PKNOX2: variants seen among roughly 807,000 people sequenced by gnomAD.
The protein encoded by PKNOX2 is PBX/knotted 1 homeobox 2, also known as homeobox protein PKNOX2.
PKNOX2 carries 14 observed loss-of-function variants against 53.1 expected under a neutral mutation model. The ratio of observed to expected loss-of-function variants is 0.26; its 90% CI spans 0.17 to 0.41. The LOEUF (loss-of-function observed/expected upper bound fraction) is 0.41, where lower values mean the gene tolerates loss of function less well. PKNOX2 is among the 10% of genes least tolerant of loss of function. The pLI is 1.00. For synonymous variants in PKNOX2, 257 were observed against 242.8 expected, an observed-to-expected ratio of 1.06 and a Z score of -0.54; for missense variants, 496 against 602.8, an observed-to-expected ratio of 0.82 and a Z score of 1.85.
rs1448192584 is a variant in PKNOX2 at position 125,254,602 on chromosome 11, T to C, written c.-130+19487T>C. ...GCCTAACTCACTGGCTTGTTTTGAATACCTGTACCCTGCACAGGTTGTGTA... is the reference window on the plus strand; with the variant it reads ...GCCTAACTCACTGGCTTGTTTTGAACACCTGTACCCTGCACAGGTTGTGTA... On this transcript the variant is annotated intron_variant, in intron 2 of 12. Transcript: ENST00000298282. Among the ~76,000 whole-genome samples the C allele has an allele frequency of 2.0e-5, 3 of 152,198 alleles. No individual in the cohort carries two copies. The East Asian group carries it at 5.8e-4, about 29-fold the overall frequency.
At chr11:125,300,575 AAGAGAGAC>A (rs979270604) in intron 2 of PKNOX2, among the ~76,000 whole-genome samples, 8 of 152,208 alleles carry the variant, frequency 5.3e-5, no homozygotes, top group South Asian at 2.1e-4. Context: ...GAGAGAGAAA[AAGAGAGAC>A]AGAGAGACAG....
chr11:125,329,038 G>T (rs1949999186), intron 2 of PKNOX2, among the ~76,000 whole-genome samples: 1 of 152,178 alleles, frequency 6.6e-6, no homozygotes, highest in Non-Finnish European at 1.5e-5. Context: ...TGGAGCAAGA[G>T]TCCACTGCAA....
intron 2 of PKNOX2, among the ~76,000 whole-genome samples, chr11:125,323,192 G>C (rs539265501): frequency 1.2e-4 from 18 of 152,224 alleles, no homozygotes; most frequent in African/African-American, 3.4e-4. Flanking sequence ...AATTTTGTAA[G>C]TACAGGGATC....
chr11:125,318,340 C>A (rs1949329915), intron 2 of PKNOX2, among the ~76,000 whole-genome samples: 1 of 148,598 alleles, frequency 6.7e-6, no homozygotes, highest in East Asian at 2.0e-4. Context: ...AGGTTGGTCT[C>A]AAACTCCTGA....
At chr11:125,174,689 C>G (rs1029825331) in intron 1 of PKNOX2, among the ~76,000 whole-genome samples, 1 of 152,004 alleles carries the variant, frequency 6.6e-6, no homozygotes, top group African/African-American at 2.4e-5. Flanking sequence ...CTGCAGGGGC[C>G]GGGAGAGTGC....
intron 2 of PKNOX2, among the ~76,000 whole-genome samples, chr11:125,328,978 G>A (rs1450331392): frequency 6.6e-6 from 1 of 152,184 alleles, no homozygotes; most frequent in Non-Finnish European, 1.5e-5. Context: ...CACACCTTTG[G>A]ACTTGGCAAT....
At chr11:125,377,199 G>A (rs1206435057) in intron 5 of PKNOX2, among the ~76,000 whole-genome samples, 1 of 152,202 alleles carries the variant, frequency 6.6e-6, no homozygotes, top group African/African-American at 2.4e-5. Context: ...CTGCATGGGA[G>A]GTGTTGTCCT....
At position 125,166,493 on chromosome 11, in the gene PKNOX2, G is replaced by T. The variant is rs1050070596; in HGVS notation, c.-201+1717G>T. Among the ~76,000 whole-genome samples the T allele has an allele frequency of 7.2e-5, 11 of 152,210 alleles. No individual in the cohort carries two copies. The highest frequency in any genetic ancestry group is 5.9e-4 in the Admixed American group (9 of 15,288). The stretch of plus-strand genomic sequence containing the variant: ...CGAAGCGGCAGGGCAGCCTCGCGGG[G>T]CTGGGAGTGGATCTGAGGTCCCGAC... On this transcript the variant is annotated intron_variant, in intron 1 of 12. Coordinates refer to ENST00000298282, the MANE Select transcript of PKNOX2 (RefSeq NM_001382323.2). This position sits in a 1 kb window ranked among gnomAD's most constrained non-coding sequence, Gnocchi z 4.0.
chr11:125,189,815 C>G (rs1472822837), intron 1 of PKNOX2, among the ~76,000 whole-genome samples: 1 of 151,980 alleles, frequency 6.6e-6, no homozygotes, highest in Non-Finnish European at 1.5e-5. Context: ...CCCTCTTTCC[C>G]CTCCCTCTCC....
At chr11:125,328,900 C>T (rs1432820834) in intron 2 of PKNOX2, among the ~76,000 whole-genome samples, 8 of 152,304 alleles carry the variant, frequency 5.3e-5, no homozygotes, top group African/African-American at 9.6e-5. Flanking sequence ...ATCTCTCATA[C>T]GCTGCTGATA....
chr11:125,313,837 A>G (rs1311044517), intron 2 of PKNOX2, among the ~76,000 whole-genome samples: 2 of 152,226 alleles, frequency 1.3e-5, no homozygotes, highest in Non-Finnish European at 2.9e-5. Context: ...TGTCCATGGT[A>G]TTGGAAAATA....
intron 10 of PKNOX2, among the ~76,000 whole-genome samples, chr11:125,423,893 G>C (rs1487203973): frequency 6.6e-6 from 1 of 152,192 alleles, no homozygotes; most frequent in African/African-American, 2.4e-5. Flanking sequence ...GGAAGGTGAA[G>C]AATGGGACAG....
intron 1 of PKNOX2, among the ~76,000 whole-genome samples, chr11:125,215,208 G>A (rs1202286523): frequency 6.6e-6 from 1 of 152,060 alleles, no homozygotes; most frequent in Non-Finnish European, 1.5e-5. Context: ...CCACCAGGAA[G>A]ACGGGGCTTA....
chr11:125,214,556 T>C (rs1940253665), intron 1 of PKNOX2, among the ~76,000 whole-genome samples: 1 of 152,080 alleles, frequency 6.6e-6, no homozygotes, highest in Non-Finnish European at 1.5e-5. Flanking sequence ...TATACCCTTC[T>C]GAGTTTTGCC....
intron 4 of PKNOX2, among the ~76,000 whole-genome samples, chr11:125,355,538 CTG>C (rs1848839537): frequency 6.6e-6 from 1 of 152,198 alleles, no homozygotes; most frequent in South Asian, 2.1e-4. Context: ...AATGACCACA[CTG>C]TCTCTAGAGA....
At chr11:125,404,541 G>A (rs1471755935) in intron 7 of PKNOX2, among the ~76,000 whole-genome samples, 9 of 152,098 alleles carry the variant, frequency 5.9e-5, no homozygotes, top group Admixed American at 2.0e-4. Context: ...GGATGCTGCC[G>A]GGAAGGGGTG....
At position 125,210,886 on chromosome 11, in the gene PKNOX2, C is replaced by T. The variant is rs1006663056; in HGVS notation, c.-200-24159C>T. ...CGTCCTGTTGTGTAGAAGTGGCTTC[C>T]GGATCTGGGTTGAAACCTCCTTTCT... is the stretch of plus-strand genomic sequence containing the variant. On this transcript the variant is annotated intron_variant, in intron 1 of 12. Coordinates refer to ENST00000298282, the MANE Select transcript of PKNOX2 (RefSeq NM_001382323.2). Among the ~76,000 whole-genome samples, 11 of 152,180 alleles carry T rather than the reference C, an allele frequency of 7.2e-5. 1 individual carries two copies. Among genetic ancestry groups the T allele is most frequent in the Middle Eastern group, 3.4e-3 (1 of 294 alleles).
chr11:125,236,343 C>T (rs1403561578), intron 2 of PKNOX2, among the ~76,000 whole-genome samples: 1 of 145,710 alleles, frequency 6.9e-6, no homozygotes, highest in African/African-American at 2.6e-5. Context: ...GGAAGGGTAC[C>T]TCCCTCCATC....
At chr11:125,403,915 G>T (rs1360619266) in intron 7 of PKNOX2, among the ~76,000 whole-genome samples, 1 of 152,204 alleles carries the variant, frequency 6.6e-6, no homozygotes, top group East Asian at 1.9e-4. Context: ...CTCCCCAGCA[G>T]AATAGGAAGG....
Sources: gnomAD v4.1 joint callset for allele counts (sites outside exome capture counted in the v4.1 genomes callset) on GRCh38, gnomAD v4.1.1 for gene constraint, Gnocchi (gnomAD v3.1) non-coding constraint, MANE v1.5 for transcripts, NCBI Gene and HGNC (gene_info 2026-07-23, HGNC 2026-07-21) for gene names.